PIK3CB: variants seen among roughly 807,000 people sequenced by gnomAD.
PIK3CB encodes the protein phosphatidylinositol-4,5-bisphosphate 3-kinase catalytic subunit beta.
PIK3CB carries 39 observed loss-of-function variants against 136.8 expected under a neutral mutation model. The observed-to-expected ratio is 0.29, with a 90% CI of 0.22 to 0.37. The LOEUF (loss-of-function observed/expected upper bound fraction) is 0.37. PIK3CB is among the 10% of genes least tolerant of loss of function. PIK3CB has a pLI of 1.00. For missense variants in PIK3CB, 868 were observed against 1,275.4 expected (o/e 0.68, Z 4.87); for synonymous variants, 428 against 436.6 (o/e 0.98, Z 0.25).
chr3:138,806,576 T>C (rs918374054), intron 1 of PIK3CB, among the ~76,000 whole-genome samples: 4 of 152,166 alleles, frequency 2.6e-5, no homozygotes, highest in Admixed American at 2.6e-4. Context: ...CATAGTTGTA[T>C]GGACAATGCT....
rs1246705349 is a variant in PIK3CB, at chr3:138,688,791, T to C, written c.2136+84A>G. On this transcript the variant is annotated intron_variant, in intron 16 of 23. Coordinates refer to ENST00000674063, the MANE Select transcript of PIK3CB (RefSeq NM_006219.3). ...CAAACACCAAGTACCAAATTGAACA[T>C]GAAGATTAAAACAAGCTGATATTCA... 3 of 774,582 alleles carry C rather than the reference T, an allele frequency of 3.9e-6. No homozygotes were observed. The African/African-American group carries it at 5.2e-5, about 13-fold the overall frequency. The allele number at this position is 774,582 out of a possible 1,614,324, so 48.0% of individuals were successfully genotyped here. A position where few individuals can be genotyped will look rare whatever the true frequency, so the allele number is the denominator to read the frequency against.
chr3:138,682,874 G>C (rs2043809438), intron 18 of PIK3CB, among the ~76,000 whole-genome samples: 1 of 152,124 alleles, frequency 6.6e-6, no homozygotes, highest in African/African-American at 2.4e-5. Flanking sequence ...AGCTCAATCA[G>C]TTTTCTGTGC....
At chr3:138,673,092 C>T (rs1194506441) in intron 19 of PIK3CB, among the ~76,000 whole-genome samples, 1 of 151,724 alleles carries the variant, frequency 6.6e-6, no homozygotes, top group African/African-American at 2.4e-5. Flanking sequence ...GGTCTCAACG[C>T]CAGAGCACAC....
rs376627250 is a variant in PIK3CB at position 138,716,893 on chromosome 3, C to CAA, written c.1051-2176_1051-2175dup. Among the ~76,000 whole-genome samples the CAA allele has an allele frequency of 7.4e-3, 82 of 11,080 alleles. 15 individuals are homozygous for CAA. Among genetic ancestry groups the CAA allele is most frequent in the African/African-American group, 9.1e-3 (38 of 4,186 alleles). The allele number at this position is 11,080 out of a possible 152,430, so 7.3% of individuals were successfully genotyped here. On this transcript the variant is annotated intron_variant, in intron 8 of 23. Coordinates refer to ENST00000674063, the MANE Select transcript of PIK3CB (RefSeq NM_006219.3). ...TGGGTGACAGAGAAAGATTGTGTCT[C>CAA]AAAAAAAAAAAAAAAAAAAAAAAAA...
At chr3:138,680,787 A>G (rs1465903065) in intron 19 of PIK3CB, among the ~76,000 whole-genome samples, 2 of 152,010 alleles carry the variant, frequency 1.3e-5, no homozygotes, top group African/African-American at 4.8e-5. Context: ...TCTCAGGTTC[A>G]AGCAATTCTC....
At chr3:138,753,186 C>T (rs895766197) in intron 4 of PIK3CB, among the ~76,000 whole-genome samples, 4 of 152,154 alleles carry the variant, frequency 2.6e-5, no homozygotes, top group African/African-American at 9.7e-5. Flanking sequence ...CACTGCATTC[C>T]AGCCTGGGTA....
intron 2 of PIK3CB, among the ~76,000 whole-genome samples, chr3:138,759,922 A>G (rs2045638478): frequency 6.6e-6 from 1 of 151,924 alleles, no homozygotes. Context: ...CTCTACAAGG[A>G]CAATTTTTTT....
intron 14 of PIK3CB, among the ~76,000 whole-genome samples, chr3:138,694,270 G>A (rs2044088078): frequency 6.6e-6 from 1 of 151,964 alleles, no homozygotes; most frequent in Non-Finnish European, 1.5e-5. Flanking sequence ...GTACATGCTA[G>A]GCAGAGGGTG....
At position 138,796,472 on chromosome 3, in the gene PIK3CB, G is replaced by C. The variant is rs2046110551; in HGVS notation, c.-26C>G. ...AAAATTGGATACTTACCTAAGAATGGTCGCCCCCATTTCAGTCTTTTAGGA... is the reference window on the plus strand; with the variant it reads ...AAAATTGGATACTTACCTAAGAATGCTCGCCCCCATTTCAGTCTTTTAGGA... On this transcript the variant is annotated 5_prime_UTR_variant, in exon 2 of 24. Transcript: ENST00000674063. 1 of 151,402 alleles carries C rather than the reference G, an allele frequency of 6.6e-6. No individual in the cohort carries two copies. The highest frequency in any genetic ancestry group is 1.5e-5 in the Non-Finnish European group (1 of 67,912). The allele number at this position is 151,402 out of a possible 1,614,324, so 9.4% of individuals were successfully genotyped here.
intron 18 of PIK3CB, 124 bp from the exon 19 acceptor site, chr3:138,682,169 A>G (rs2043795978): frequency 1.7e-6 from 1 of 591,862 alleles, no homozygotes; most frequent in Admixed American, 3.4e-5. Flanking sequence ...ATTTTCACTA[A>G]TTTTATAACA....
chr3:138,683,874 ACTC>A, intron 17 of PIK3CB, 87 bp from the exon 18 acceptor site: 1 of 732,588 alleles, frequency 1.4e-6, no homozygotes, highest in South Asian at 1.6e-5. Flanking sequence ...GCTTGGGAAA[ACTC>A]CTCACCTATT....
intron 19 of PIK3CB, 126 bp downstream of exon 19, chr3:138,681,841 T>C: frequency 1.7e-6 from 1 of 587,524 alleles, no homozygotes; most frequent in Non-Finnish European, 3.0e-6. Context: ...TCTAAAGTGC[T>C]ATATAAATAT....
chr3:138,819,278 C>T (rs553422296), intron 1 of PIK3CB, among the ~76,000 whole-genome samples: 32 of 151,514 alleles, frequency 2.1e-4, no homozygotes, highest in East Asian at 5.8e-4. Context: ...ACCCTGGAGG[C>T]GGAGATGGCA....
chr3:138,704,229 T>A (rs145496289), intron 12 of PIK3CB, among the ~76,000 whole-genome samples: 135 of 152,328 alleles, frequency 8.9e-4, no homozygotes, highest in African/African-American at 3.0e-3. Flanking sequence ...AAACCTGTAC[T>A]TGTATCAGAA....
rs1225677987 is a variant in PIK3CB at position 138,818,851 on chromosome 3, T to C, written c.-122+15844A>G. Among the ~76,000 whole-genome samples, 8 of 152,318 alleles carry C rather than the reference T, an allele frequency of 5.3e-5. No individual in the cohort carries two copies. The East Asian group carries it at 1.2e-3, about 22-fold the overall frequency. On this transcript the variant is annotated intron_variant, in intron 1 of 23. Transcript: ENST00000674063. Reference sequence around the variant, plus strand: ...ACTTTAGTTACATATATGTATATGTTATATAGAGTCTTAACTGTAATATAA... The same window carrying C: ...ACTTTAGTTACATATATGTATATGTCATATAGAGTCTTAACTGTAATATAA...
chr3:138,705,174 C>CAAAAAAAAAAAAAAAAAAAAAA (rs1159172292), intron 11 of PIK3CB, among the ~76,000 whole-genome samples: 3 of 57,062 alleles, frequency 5.3e-5, no homozygotes, highest in Non-Finnish European at 5.9e-5. Flanking sequence ...AAAAAAAAAA[C>CAAAAAAAAAAAAAAAAAAAAAA]AAAAAACAAA....
intron 1 of PIK3CB, among the ~76,000 whole-genome samples, chr3:138,800,174 TAC>T (rs2046156508): frequency 6.6e-6 from 1 of 152,194 alleles, no homozygotes. Flanking sequence ...AGAGGCATTC[TAC>T]ACAGTCTCAC....
At chr3:138,678,628 C>T (rs1215920159) in intron 19 of PIK3CB, among the ~76,000 whole-genome samples, 1 of 151,718 alleles carries the variant, frequency 6.6e-6, no homozygotes, top group Non-Finnish European at 1.5e-5. Flanking sequence ...ATGCTATTTA[C>T]AGGAGACAAA....
chr3:138,829,479 T>C (rs1933931195), intron 1 of PIK3CB, among the ~76,000 whole-genome samples: 2 of 152,100 alleles, frequency 1.3e-5, no homozygotes, highest in African/African-American at 4.8e-5. Context: ...ATGTGGGATA[T>C]ATTTTGGAGA....
Sources: gnomAD v4.1 joint callset for allele counts (sites outside exome capture counted in the v4.1 genomes callset) on GRCh38, gnomAD v4.1.1 for gene constraint, MANE v1.5 for transcripts, NCBI Gene and HGNC (gene_info 2026-07-23, HGNC 2026-07-21) for gene names.